Variants in ADAMTSL1 observed in about 807,000 individuals in gnomAD.
The protein encoded by ADAMTSL1 is ADAMTS-like protein 1.
A neutral mutation model predicts 201.8 loss-of-function variants in ADAMTSL1; 126 were observed. The observed-to-expected ratio is 0.62, with a 90% CI of 0.54 to 0.72. The LOEUF (loss-of-function observed/expected upper bound fraction) is 0.72, where lower values mean the gene tolerates loss of function less well. Ranked by LOEUF, ADAMTSL1 falls within the 30% of genes least tolerant of loss-of-function variation. ADAMTSL1 has a pLI of 0.00. For missense variants in ADAMTSL1, 2,679 were observed against 2,277.8 expected (o/e 1.18, Z -3.59); for synonymous variants, 1,121 against 903.4 (o/e 1.24, Z -4.32).
chr9:18,877,002 C>T (rs1828203284), intron 23 of ADAMTSL1, among the ~76,000 whole-genome samples: 1 of 152,116 alleles, frequency 6.6e-6, no homozygotes, highest in Non-Finnish European at 1.5e-5. Context: ...TGTCTTCAAG[C>T]TCTGAAGTTC....
intron 26 of ADAMTSL1, among the ~76,000 whole-genome samples, chr9:18,902,543 T>C (rs1420502945): frequency 1.3e-5 from 2 of 150,138 alleles, no homozygotes; most frequent in African/African-American, 4.9e-5. Context: ...AATTAGAAAA[T>C]ACCTTAAGAC....
intron 1 of ADAMTSL1, among the ~76,000 whole-genome samples, chr9:18,108,908 G>A (rs1363020948): frequency 1.3e-5 from 2 of 152,100 alleles, no homozygotes; most frequent in Non-Finnish European, 2.9e-5. Flanking sequence ...AAGCATTGTT[G>A]TGTACAAGGT....
chr9:18,663,794 A>T (rs573898759), intron 9 of ADAMTSL1, among the ~76,000 whole-genome samples: 2 of 152,144 alleles, frequency 1.3e-5, no homozygotes, highest in Non-Finnish European at 2.9e-5. Flanking sequence ...TAACAATTTG[A>T]AAGAAATGTT....
intron 1 of ADAMTSL1, among the ~76,000 whole-genome samples, chr9:17,986,911 T>C (rs1588527899): frequency 6.6e-6 from 1 of 152,202 alleles, no homozygotes; most frequent in East Asian, 1.9e-4. Context: ...AAAATGTAAA[T>C]GTGTGCTATT....
intron 5 of ADAMTSL1, among the ~76,000 whole-genome samples, chr9:18,634,082 T>A (rs1826951142): frequency 6.6e-6 from 1 of 152,094 alleles, no homozygotes; most frequent in Non-Finnish European, 1.5e-5. Context: ...TTTTCCCTGT[T>A]TTACAAATGA....
intron 2 of ADAMTSL1, among the ~76,000 whole-genome samples, chr9:18,171,933 G>A (rs1487293063): frequency 6.6e-6 from 1 of 152,058 alleles, no homozygotes; most frequent in Non-Finnish European, 1.5e-5. Flanking sequence ...TTATTAAATA[G>A]GGAATCCTTT....
intron 2 of ADAMTSL1, among the ~76,000 whole-genome samples, chr9:18,260,919 G>A (rs371316703): frequency 9.9e-5 from 15 of 151,508 alleles, no homozygotes; most frequent in African/African-American, 2.7e-4. Context: ...CCTTTCTCTC[G>A]GCTCTGGCTA....
intron 2 of ADAMTSL1, among the ~76,000 whole-genome samples, chr9:18,342,551 T>C (rs1168029186): frequency 2.6e-5 from 4 of 152,162 alleles, no homozygotes; most frequent in African/African-American, 9.7e-5. Flanking sequence ...ACTTTTTACT[T>C]ATTAAACGTA....
chr9:18,297,033 A>C (rs184224219), intron 2 of ADAMTSL1, among the ~76,000 whole-genome samples: 228 of 152,370 alleles, frequency 1.5e-3, no homozygotes, highest in African/African-American at 4.7e-3. Context: ...AAAGAGATAC[A>C]TAAAAGTTAA....
At chr9:18,270,517 T>C (rs558132870) in intron 2 of ADAMTSL1, among the ~76,000 whole-genome samples, 2 of 152,314 alleles carry the variant, frequency 1.3e-5, no homozygotes, top group South Asian at 4.1e-4. Flanking sequence ...AAAATGATAA[T>C]AATTGAATGG....
Position 17,925,960 on chromosome 9 carries a change from A to G in ADAMTSL1, c.87+19038A>G, listed in dbSNP as rs576887440. Among the ~76,000 whole-genome samples, 14 of 152,216 alleles carry G rather than the reference A, an allele frequency of 9.2e-5. 1 individual carries two copies. In the South Asian group the frequency reaches 2.9e-3, roughly 32 times the overall value. On this transcript the variant is annotated intron_variant, in intron 1 of 29. Transcript: ENST00000680146. ...TTCTCTCCCCAAGCGCAATGTAGCA[A>G]TTGTTGCTACATTCTTGGAGGAAAG...
chr9:18,706,434 G>T (rs1832237021), intron 13 of ADAMTSL1, among the ~76,000 whole-genome samples: 1 of 152,150 alleles, frequency 6.6e-6, no homozygotes, highest in Admixed American at 6.5e-5. Flanking sequence ...TTAGAGTGAG[G>T]AGAAGAAACC....
Position 18,798,042 on chromosome 9 carries a change from T to C in ADAMTSL1, c.3805+2518T>C, listed in dbSNP as rs536673548. The stretch of plus-strand genomic sequence containing the variant: ...GAATCTCAGCACTACTATGTTTTTA[T>C]GGAAACTGCAGGGGTTTTTTCCTGG... On this transcript the variant is annotated intron_variant, in intron 20 of 28. Transcript: ENST00000380548. Among the ~76,000 whole-genome samples the C allele has an allele frequency of 1.6e-4, 25 of 151,916 alleles. 1 individual carries two copies. In the East Asian group the frequency reaches 4.1e-3, roughly 25 times the overall value.
chr9:18,361,782 T>C (rs1836532533), intron 2 of ADAMTSL1, among the ~76,000 whole-genome samples: 2 of 152,202 alleles, frequency 1.3e-5, no homozygotes. Context: ...GAATAAAGGA[T>C]TGGCCTCCAA....
intron 1 of ADAMTSL1, among the ~76,000 whole-genome samples, chr9:18,018,137 A>G (rs1019358358): frequency 2.0e-5 from 3 of 152,096 alleles, no homozygotes; most frequent in African/African-American, 7.2e-5. Flanking sequence ...TGTGCACTCA[A>G]AAGCCTAAAG....
intron 23 of ADAMTSL1, among the ~76,000 whole-genome samples, chr9:18,842,048 T>G (rs1563848617): frequency 6.6e-6 from 1 of 151,258 alleles, no homozygotes; most frequent in Admixed American, 6.6e-5. Flanking sequence ...TCAGTTCTGC[T>G]CTGATTTTAG....
intron 2 of ADAMTSL1, among the ~76,000 whole-genome samples, chr9:18,298,905 G>A (rs1199537256): frequency 6.6e-6 from 1 of 151,728 alleles, no homozygotes; most frequent in Non-Finnish European, 1.5e-5. Context: ...CAGCTACTAG[G>A]AGAGGCTGAG....
intron 2 of ADAMTSL1, among the ~76,000 whole-genome samples, chr9:18,237,760 A>G (rs910484851): frequency 1.3e-5 from 2 of 152,240 alleles, no homozygotes; most frequent in African/African-American, 4.8e-5. Flanking sequence ...ATCCCATTTT[A>G]CATAATTCAT....
intron 1 of ADAMTSL1, among the ~76,000 whole-genome samples, chr9:17,988,505 T>A (rs1819013477): frequency 6.6e-6 from 1 of 151,914 alleles, no homozygotes; most frequent in African/African-American, 2.4e-5. Flanking sequence ...CAGGCCCATG[T>A]GTTATTAGTT....
Sources: allele counts gnomAD v4.1 joint callset (sites outside exome capture counted in the v4.1 genomes callset), GRCh38; gene constraint gnomAD v4.1.1; transcripts MANE v1.5; gene names NCBI Gene and HGNC (gene_info 2026-07-23, HGNC 2026-07-21).